Variants in CA11 observed in about 807,000 individuals in gnomAD.
CA11 encodes carbonic anhydrase 11 (inactive), also known as carbonic anhydrase-related protein 11.
Under a neutral mutation model 39.3 loss-of-function variants are expected in CA11, and 20 were observed. The observed-to-expected ratio is 0.51, with a 90% CI of 0.36 to 0.74. The LOEUF (loss-of-function observed/expected upper bound fraction) is 0.74, where lower values mean the gene tolerates loss of function less well. Ranked by LOEUF, CA11 falls within the 30% of genes least tolerant of loss-of-function variation. The probability of loss-of-function intolerance (pLI) is 0.00; values close to 1 mark genes in which losing one functional copy is unlikely to be tolerated. For synonymous variants in CA11, 166 were observed against 172.5 expected, an observed-to-expected ratio of 0.96 and a Z score of 0.29; for missense variants, 336 against 424.6, an observed-to-expected ratio of 0.79 and a Z score of 1.83.
Position 48,639,329 on chromosome 19 carries a change from C to T in CA11, c.771G>A (p.Arg257=). 6.2e-7 allele frequency: 1 copy of T among 1,613,382 alleles called. No individual in the cohort carries two copies. Among genetic ancestry groups the T allele is most frequent in the South Asian group, 1.1e-5 (1 of 91,058 alleles). The change falls in exon 7 of 9, where the codon CGG becomes CGA. Residue 257 remains arginine (R), a synonymous_variant. Coordinates refer to ENST00000084798, the MANE Select transcript of CA11 (RefSeq NM_001217.5). ...SETVTWILID[R]ALNITSLQMH... ...CCTGAAGGGAGGTGATATTGAGGGC[C>T]CGGTCAATGAGGATCCAGGTGACAG...
chr19:48,643,747 G>A lies in CA11; in HGVS notation c.285+680C>T, dbSNP rs1347234869. Among the ~76,000 whole-genome samples the A allele has an allele frequency of 6.6e-6, 1 of 152,052 alleles. No individual in the cohort carries two copies. The highest frequency in any genetic ancestry group is 1.5e-5 in the Non-Finnish European group (1 of 68,040). ...TGGCTCTCTGTGTGATCCTAGGCAA[G>A]TAACTTAACCTCTGTGTGTCAGTTT... On this transcript the variant is annotated intron_variant, in intron 3 of 8. Transcript: ENST00000084798. This position sits in a 1 kb window ranked among gnomAD's most constrained non-coding sequence, Gnocchi z 4.3.
intron 3 of CA11, among the ~76,000 whole-genome samples, chr19:48,642,646 T>C (rs746627536): frequency 6.6e-6 from 1 of 152,182 alleles, no homozygotes; most frequent in Non-Finnish European, 1.5e-5. Context: ...ATGATCTTAT[T>C]TGTGTTTTAA....
At chr19:48,641,053 C>T (rs2031070334) in intron 3 of CA11, among the ~76,000 whole-genome samples, 1 of 150,434 alleles carries the variant, frequency 6.6e-6, no homozygotes. Flanking sequence ...GATCTCGCCT[C>T]ACTGCAACCT....
chr19:48,644,115 A>AATC lies in CA11; in HGVS notation c.285+311_285+312insGAT, dbSNP rs1007038618. ...TCCATCTCAAAATAATAATAATAAT[A>AATC]ATAACAATAATAATAATTGTACCCA... On this transcript the variant is annotated intron_variant, in intron 3 of 8. Coordinates refer to ENST00000084798, the MANE Select transcript of CA11 (RefSeq NM_001217.5). Among the ~76,000 whole-genome samples, 9 of 151,756 alleles carry AATC rather than the reference A, an allele frequency of 5.9e-5. 1 individual carries two copies. Among genetic ancestry groups the AATC allele is most frequent in the Admixed American group, 5.9e-4 (9 of 15,244 alleles).
chr19:48,640,066 G>A, intron 4 of CA11, 29 bp downstream of exon 4: 1 of 1,603,784 alleles, frequency 6.2e-7, no homozygotes. Context: ...AGGGCGGAGG[G>A]TGGCGGGTAA....
chr19:48,645,254 T>C (rs565798864), intron 2 of CA11, 149 bp downstream of exon 2: 1 of 659,236 alleles, frequency 1.5e-6, no homozygotes, highest in East Asian at 2.7e-5. Flanking sequence ...CCCCTGGGGT[T>C]CAGAAGCTGG....
rs141672508 is a variant in CA11 at position 48,639,534 on chromosome 19, A to C, written c.640+15T>G. ...CTCGTGTGTGACCACTGCCCCCAGC[A>C]CGCCAGGGACTTACTCTTGTAGGAG... On this transcript the variant is annotated intron_variant, in intron 6 of 8. Transcript: ENST00000084798. The C allele has an allele frequency of 1.9e-6, 3 of 1,613,820 alleles. No individual in the cohort carries two copies. In the South Asian group the frequency reaches 3.3e-5, roughly 18 times the overall value.
intron 8 of CA11, 85 bp from the exon 9 acceptor site, chr19:48,638,229 C>A (rs2030909092): frequency 1.6e-6 from 2 of 1,215,726 alleles, no homozygotes; most frequent in African/African-American, 3.2e-5. Flanking sequence ...CTGCGCCGCG[C>A]TGGGCCCTAC....
intron 8 of CA11, chr19:48,638,418 G>T: frequency 9.7e-7 from 1 of 1,035,364 alleles, no homozygotes; most frequent in Non-Finnish European, 1.2e-6. Flanking sequence ...GAAGCCGGGG[G>T]TGTGTGAGAT....
chr19:48,642,363 G>A (rs2031113820), intron 3 of CA11, among the ~76,000 whole-genome samples: 2 of 152,120 alleles, frequency 1.3e-5, no homozygotes, highest in Admixed American at 1.3e-4. Flanking sequence ...GCTGGGTGTG[G>A]CGGTGGGCGC....
chr19:48,638,114 G>C lies in CA11; in HGVS notation c.*5C>G. The C allele has an allele frequency of 7.0e-7, 1 of 1,428,292 alleles. No homozygotes were observed. Among genetic ancestry groups the C allele is most frequent in the South Asian group, 1.5e-5 (1 of 65,572 alleles). The allele number at this position is 1,428,292 out of a possible 1,614,324, so 88.5% of individuals were successfully genotyped here. On this transcript the variant is annotated 3_prime_UTR_variant, in exon 9 of 9. Transcript: ENST00000084798. ...ACGGGCGGGTGCAATCCTCGAAGGG[G>C]AGTCTCAGCGACCATGGGGGACACC...
In CA11 at chr19:48,645,393, T is replaced by G; in HGVS notation, c.142+10A>C. The G allele has an allele frequency of 7.6e-6, 12 of 1,574,176 alleles. No homozygotes were observed. The highest frequency in any genetic ancestry group is 1.0e-5 in the Non-Finnish European group (12 of 1,158,832). On this transcript the variant is annotated intron_variant, in intron 2 of 8. Coordinates refer to ENST00000084798, the MANE Select transcript of CA11 (RefSeq NM_001217.5). ...AGGGCCGGACTCCTGGGTCCCCGCCTTGGCGGCACCTGGCACGAAGTTTCC... is the reference window on the plus strand; with the variant it reads ...AGGGCCGGACTCCTGGGTCCCCGCCGTGGCGGCACCTGGCACGAAGTTTCC...
At position 48,639,831 on chromosome 19, in the gene CA11, G is replaced by A. The variant is rs2031010438; in HGVS notation, c.524C>T (p.Ser175Phe). Residue 175 changes from serine (S) to phenylalanine (F), a missense_variant, in exon 5 of 9, where the codon TCC becomes TTC. By Grantham distance (155) the Ser-to-Phe change is radical. Transcript: ENST00000084798. ...QELYGNFSAA[S>F]RGPNGLAILS... ...AATGGCCAGGCCATTGGGGCCGCGG[G>A]AGGCAGCGCTGAAATTCCCGTAGAG... 1 of 1,614,044 alleles carries A rather than the reference G, an allele frequency of 6.2e-7. No homozygotes were observed. Among genetic ancestry groups the A allele is most frequent in the Non-Finnish European group, 8.5e-7 (1 of 1,180,028 alleles).
At position 48,645,853 on chromosome 19, in the gene CA11, C is replaced by G. The variant is rs1568445006; in HGVS notation, c.-221G>C. ...CCGTCTCTCTGTGTCTTTCCTCTTT[C>G]CTCTGCTCTTTTCCCGGAACCCTCC... On this transcript the variant is annotated 5_prime_UTR_variant, in exon 1 of 9. Coordinates refer to ENST00000084798, the MANE Select transcript of CA11 (RefSeq NM_001217.5). The G allele has an allele frequency of 5.7e-6, 3 of 528,950 alleles. 1 individual carries two copies. The East Asian group carries it at 1.0e-4, about 18-fold the overall frequency. 32.8% of individuals were successfully genotyped at this position (528,950 alleles called of 1,614,324 possible).
At position 48,640,208 on chromosome 19, in the gene CA11, A is replaced by C. The variant is rs1568443070; in HGVS notation, c.358T>G (p.Ser120Ala). 1 of 1,613,930 alleles carries C rather than the reference A, an allele frequency of 6.2e-7. No individual in the cohort carries two copies. Among genetic ancestry groups the C allele is most frequent in the South Asian group, 1.1e-5 (1 of 91,086 alleles). ...LPAPRPVVNV[S>A]GGPLLYSHRL... Reference sequence around the variant, plus strand: ...TGGCTGTAAAGGAGGGGACCTCCAGACACATTGACCACAGGTCGGGGTGCA... The same window carrying C: ...TGGCTGTAAAGGAGGGGACCTCCAGCCACATTGACCACAGGTCGGGGTGCA... Residue 120 changes from serine to alanine, a missense_variant, in exon 4 of 9, where the codon TCT (serine) becomes GCT (alanine). By Grantham distance (99) the Ser-to-Ala change is moderately conservative. Coordinates refer to ENST00000084798, the MANE Select transcript of CA11 (RefSeq NM_001217.5).
At chr19:48,638,672 G>T (rs1031543068) in intron 8 of CA11, among the ~76,000 whole-genome samples, 7 of 152,172 alleles carry the variant, frequency 4.6e-5, no homozygotes, top group Admixed American at 4.6e-4. Context: ...AAGCAGTGAA[G>T]AGGAAAGACA....
At chr19:48,638,312 AT>A (rs1368887019) in intron 8 of CA11, 168 bp from the exon 9 acceptor site, 1 of 1,050,316 alleles carries the variant, frequency 9.5e-7, no homozygotes, top group Admixed American at 7.1e-5. Context: ...CAAGAAGCCA[AT>A]AGGAGGGGGG....
chr19:48,638,686 C>T (rs569470569), intron 8 of CA11, among the ~76,000 whole-genome samples: 1 of 152,166 alleles, frequency 6.6e-6, no homozygotes, highest in Non-Finnish European at 1.5e-5. Flanking sequence ...AAAGACAAAT[C>T]GTGGGCTAGC....
At position 48,639,873 on chromosome 19, in the gene CA11, A is replaced by G; in HGVS notation, c.482T>C (p.Ile161Thr). ...CCCGTAGAGTTCCTGGTTGAAGTGA[A>G]TGAGCTGCACCTGGGGGTAGCACAG... is the stretch of plus-strand genomic sequence containing the variant. Reference protein sequence around the residue: ...HQGFSAEVQLIHFNQELYGNF... With the variant: ...HQGFSAEVQLTHFNQELYGNF... Residue 161 changes from isoleucine to threonine, a missense_variant, in exon 5 of 9, where the codon ATT (isoleucine) becomes ACT (threonine). By Grantham distance (89) the Ile-to-Thr change is moderately conservative. Coordinates refer to ENST00000084798, the MANE Select transcript of CA11 (RefSeq NM_001217.5). 6.2e-7 allele frequency: 1 copy of G among 1,614,030 alleles called. No homozygotes were observed. The highest frequency in any genetic ancestry group is 1.6e-4 in the Middle Eastern group (1 of 6,062).
Sources: allele counts gnomAD v4.1 joint callset (sites outside exome capture counted in the v4.1 genomes callset), GRCh38; gene constraint gnomAD v4.1.1; non-coding constraint Gnocchi (gnomAD v3.1); transcripts MANE v1.5; gene names NCBI Gene and HGNC (gene_info 2026-07-23, HGNC 2026-07-21).